Variants in STX5 observed in about 807,000 individuals in gnomAD.
The protein encoded by STX5 is syntaxin-5.
A neutral mutation model predicts 42.9 loss-of-function variants in STX5; 15 were observed. The observed-to-expected ratio is 0.35, with a 90% CI of 0.23 to 0.54. STX5 has a LOEUF of 0.54. Ranked by LOEUF, STX5 falls within the 20% of genes least tolerant of loss-of-function variation. The probability of loss-of-function intolerance (pLI) is 0.91; values close to 1 mark genes in which losing one functional copy is unlikely to be tolerated. For synonymous variants in STX5, 184 were observed against 173.2 expected, an observed-to-expected ratio of 1.06 and a Z score of -0.49; for missense variants, 430 against 455.0, an observed-to-expected ratio of 0.95 and a Z score of 0.50.
At chr11:62,825,653 G>C in intron 5 of STX5, 114 bp from the exon 6 acceptor site, 1 of 945,240 alleles carries the variant, frequency 1.1e-6, no homozygotes, top group Non-Finnish European at 1.7e-6. Flanking sequence ...TAGCCAGAGT[G>C]AGAGTATCTC....
At chr11:62,816,617 T>C (rs536304325) in intron 10 of STX5, among the ~76,000 whole-genome samples, 1 of 151,680 alleles carries the variant, frequency 6.6e-6, no homozygotes, top group East Asian at 1.9e-4. Context: ...TCTGAATAAC[T>C]TCCTCCTATC....
Position 62,827,383 on chromosome 11 carries a change from G to T in STX5, c.312C>A (p.Asp104Glu), listed in dbSNP as rs1256362915. 1.2e-6 allele frequency: 2 copies of T among 1,614,106 alleles called. No homozygotes were observed. The highest frequency in any genetic ancestry group is 1.7e-6 in the Non-Finnish European group (2 of 1,180,056). ...FTLMAKRIGK[D>E]LSNTFAKLEK... is the part of the protein sequence containing the mutation. ...CCAGCTTGGCAAATGTGTTGCTAAGGTCTTTCCCAATGCGCCTGCAAATGA... is the reference window on the plus strand; with the variant it reads ...CCAGCTTGGCAAATGTGTTGCTAAGTTCTTTCCCAATGCGCCTGCAAATGA... The change falls in exon 4 of 11, where the codon GAC (aspartate) becomes GAA (glutamate). Residue 104 changes from aspartate to glutamate, a missense_variant. Coordinates refer to ENST00000294179, the MANE Select transcript of STX5 (RefSeq NM_003164.5).
rs750140064 is a variant in STX5 at position 62,824,511 on chromosome 11, A to T, written c.734T>A (p.Ile245Asn). 1.2e-6 allele frequency: 2 copies of T among 1,614,070 alleles called. No homozygotes were observed. The highest frequency in any genetic ancestry group is 1.7e-6 in the Non-Finnish European group (2 of 1,180,040). ...GCTGGTCCGAGAGTCCATCATGTCGATGGCGACATCCTTGGAGGCATGGGA... is the reference window on the plus strand; with the variant it reads ...GCTGGTCCGAGAGTCCATCATGTCGTTGGCGACATCCTTGGAGGCATGGGA... ...AESHASKDVA[I>N]DMMDSRTSQQ... Residue 245 changes from isoleucine (I) to asparagine (N), a missense_variant, in exon 9 of 11, where the codon ATC (isoleucine) becomes AAC (asparagine). By Grantham distance (149) the Ile-to-Asn change is moderately radical. Coordinates refer to ENST00000294179, the MANE Select transcript of STX5 (RefSeq NM_003164.5).
intron 2 of STX5, among the ~76,000 whole-genome samples, chr11:62,828,199 C>T (rs913078088): frequency 6.6e-6 from 1 of 151,904 alleles, no homozygotes; most frequent in Non-Finnish European, 1.5e-5. Flanking sequence ...ACTGCGGCCT[C>T]GACATCCTGG....
chr11:62,814,241 T>C (rs999492804), intron 10 of STX5, among the ~76,000 whole-genome samples: 9 of 152,074 alleles, frequency 5.9e-5, no homozygotes, highest in African/African-American at 2.2e-4. Context: ...CCTTGGCTCA[T>C]TGCAACCTCC....
At chr11:62,819,083 T>C (rs935862478) in intron 10 of STX5, among the ~76,000 whole-genome samples, 1 of 149,866 alleles carries the variant, frequency 6.7e-6, no homozygotes, top group Non-Finnish European at 1.5e-5. Context: ...TAGCCGGGCA[T>C]GGTGGTGGGC....
intron 1 of STX5, 76 bp from the exon 2 acceptor site, chr11:62,831,338 A>G: frequency 1.9e-6 from 2 of 1,066,160 alleles, no homozygotes; most frequent in Non-Finnish European, 2.8e-6. Flanking sequence ...CAATCAACAA[A>G]TCCCCGAGCC....
intron 10 of STX5, among the ~76,000 whole-genome samples, chr11:62,815,042 T>C (rs1590965297): frequency 6.6e-6 from 1 of 151,808 alleles, no homozygotes; most frequent in East Asian, 1.9e-4. Context: ...GGAGTCTTGC[T>C]CTCTTGCCAG....
chr11:62,818,771 G>A (rs2134830558), intron 10 of STX5, among the ~76,000 whole-genome samples: 1 of 151,958 alleles, frequency 6.6e-6, no homozygotes, highest in African/African-American at 2.4e-5. Flanking sequence ...GCTGAGGTGG[G>A]AGGTCAAGGC....
At chr11:62,823,819 A>C in intron 10 of STX5, 1 of 261,578 alleles carries the variant, frequency 3.8e-6, no homozygotes. Flanking sequence ...AGTGCTGCCT[A>C]TGGGATTACA....
At chr11:62,826,788 G>A (rs529976731) in intron 5 of STX5, among the ~76,000 whole-genome samples, 9 of 150,442 alleles carry the variant, frequency 6.0e-5, no homozygotes, top group South Asian at 2.1e-4. Context: ...GCTGAGGCAG[G>A]AGAATCGCTT....
chr11:62,812,533 C>T (rs1025502980), intron 10 of STX5, among the ~76,000 whole-genome samples: 2 of 152,048 alleles, frequency 1.3e-5, no homozygotes, highest in East Asian at 3.9e-4. Context: ...ATTCTCCTGC[C>T]TCAGCCTCCC....
chr11:62,824,817 A>T (rs117941191), intron 8 of STX5, among the ~76,000 whole-genome samples: 2 of 152,324 alleles, frequency 1.3e-5, no homozygotes, highest in East Asian at 3.9e-4. Flanking sequence ...AGAAATTATC[A>T]TTATTCTGAA....
chr11:62,819,348 T>C, intron 10 of STX5, among the ~76,000 whole-genome samples: 1 of 143,090 alleles, frequency 7.0e-6, no homozygotes, highest in African/African-American at 2.6e-5. Context: ...TGTCAGCAGA[T>C]CTCCACTACA....
chr11:62,815,985 C>G (rs1201919389), intron 10 of STX5: 1 of 152,004 alleles, frequency 6.6e-6, no homozygotes, highest in Non-Finnish European at 1.5e-5. Flanking sequence ...GAAAGCTTCA[C>G]AAATTTGTGC....
At chr11:62,810,842 G>T (rs1046633078) in intron 10 of STX5, among the ~76,000 whole-genome samples, 11 of 152,116 alleles carry the variant, frequency 7.2e-5, no homozygotes, top group Admixed American at 2.0e-4. Context: ...TTTGTATATG[G>T]TTGCCCATAA....
intron 10 of STX5, among the ~76,000 whole-genome samples, chr11:62,816,934 CTCTT>C (rs1371415057): frequency 1.3e-5 from 2 of 151,638 alleles, no homozygotes; most frequent in Admixed American, 6.6e-5. Context: ...TCTATTCCTA[CTCTT>C]TCTAATTGCT....
intron 2 of STX5, among the ~76,000 whole-genome samples, chr11:62,828,951 C>A (rs1223010338): frequency 1.3e-5 from 2 of 151,860 alleles, no homozygotes; most frequent in Non-Finnish European, 2.9e-5. Context: ...GTATTCCCAG[C>A]TACTTGGGAG....
intron 1 of STX5, 26 bp from the exon 2 acceptor site, chr11:62,831,288 C>T (rs752682811): frequency 1.4e-5 from 21 of 1,491,642 alleles, no homozygotes; most frequent in Non-Finnish European, 1.7e-5. Flanking sequence ...GAGTGTCATT[C>T]CCCAGGCAAC....
Sources: allele counts gnomAD v4.1 joint callset (sites outside exome capture counted in the v4.1 genomes callset), GRCh38; gene constraint gnomAD v4.1.1; transcripts MANE v1.5; gene names NCBI Gene and HGNC (gene_info 2026-07-23, HGNC 2026-07-21).